The following PCDHA12 variants were observed in gnomAD, a reference collection of about 807,000 sequenced individuals.
The protein encoded by PCDHA12 is protocadherin alpha 12.
A neutral mutation model predicts 60.0 loss-of-function variants in PCDHA12; 44 were observed. The ratio of observed to expected loss-of-function variants is 0.73; its 90% CI spans 0.58 to 0.94. PCDHA12 has a LOEUF of 0.94. Among genes scored for constraint, PCDHA12 ranks in the 40% least tolerant of loss-of-function variants. PCDHA12 has a pLI of 0.00. For missense variants in PCDHA12, 1,276 were observed against 1,239.7 expected, an observed-to-expected ratio of 1.03 and a Z score of -0.44; for synonymous variants, 569 against 553.0, an observed-to-expected ratio of 1.03 and a Z score of -0.40.
chr5:140,961,366 C>A (rs1384222732), intron 1 of PCDHA12, among the ~76,000 whole-genome samples: 2 of 152,144 alleles, frequency 1.3e-5, no homozygotes, highest in Non-Finnish European at 2.9e-5. Context: ...CATTAGAATT[C>A]TCCTTCTAGT....
At chr5:140,995,267 C>T (rs552857413) in intron 3 of PCDHA12, among the ~76,000 whole-genome samples, 1 of 152,192 alleles carries the variant, frequency 6.6e-6, no homozygotes, top group Non-Finnish European at 1.5e-5. Context: ...GAATACAAGC[C>T]CTTTGATACC....
intron 3 of PCDHA12, among the ~76,000 whole-genome samples, chr5:140,994,821 T>C (rs2097651680): frequency 6.6e-6 from 1 of 152,052 alleles, no homozygotes. Flanking sequence ...AAAAACTGAA[T>C]TGTGTAGTCT....
intron 1 of PCDHA12, among the ~76,000 whole-genome samples, chr5:140,944,925 A>T (rs1457519692): frequency 6.6e-6 from 1 of 152,158 alleles, no homozygotes; most frequent in African/African-American, 2.4e-5. Flanking sequence ...ATATTGGTTT[A>T]TGCCTTCTTT....
At chr5:140,985,377 A>G (rs782189204) in intron 3 of PCDHA12, among the ~76,000 whole-genome samples, 10 of 152,188 alleles carry the variant, frequency 6.6e-5, no homozygotes, top group Non-Finnish European at 5.9e-5. Context: ...CTGGGTCTAT[A>G]TAATCCAGTC....
intron 3 of PCDHA12, among the ~76,000 whole-genome samples, chr5:140,988,459 G>A (rs1554250155): frequency 6.6e-6 from 1 of 152,152 alleles, no homozygotes; most frequent in Admixed American, 6.5e-5. Context: ...AGGAAGCAAG[G>A]GTGTGGGAAG....
At chr5:140,999,877 G>C (rs1194481133) in intron 3 of PCDHA12, among the ~76,000 whole-genome samples, 1 of 152,152 alleles carries the variant, frequency 6.6e-6, no homozygotes, top group Non-Finnish European at 1.5e-5. Flanking sequence ...CTGAAAATTA[G>C]CCCAGCTGTA....
At chr5:140,901,235 T>A (rs1554189665) in intron 1 of PCDHA12, among the ~76,000 whole-genome samples, 1 of 152,174 alleles carries the variant, frequency 6.6e-6, no homozygotes, top group African/African-American at 2.4e-5. Context: ...TATATCCATT[T>A]TTTTCCTTTG....
At chr5:140,893,083 T>C (rs2063812039) in intron 1 of PCDHA12, among the ~76,000 whole-genome samples, 1 of 152,266 alleles carries the variant, frequency 6.6e-6, no homozygotes, top group Non-Finnish European at 1.5e-5. Flanking sequence ...GATTTCATTC[T>C]TTTTTATGGC....
At chr5:140,906,753 T>G (rs2072907402) in intron 1 of PCDHA12, among the ~76,000 whole-genome samples, 1 of 152,224 alleles carries the variant, frequency 6.6e-6, no homozygotes, top group Non-Finnish European at 1.5e-5. Context: ...CAGGGCATGG[T>G]AATACTAAGA....
At chr5:140,895,647 C>A (rs954657912) in intron 1 of PCDHA12, among the ~76,000 whole-genome samples, 2 of 151,996 alleles carry the variant, frequency 1.3e-5, no homozygotes, top group African/African-American at 4.8e-5. Flanking sequence ...TTTTTAGCTC[C>A]CACTTATAAG....
At chr5:140,923,287 A>G (rs1554201330) in intron 1 of PCDHA12, among the ~76,000 whole-genome samples, 1 of 152,224 alleles carries the variant, frequency 6.6e-6, no homozygotes, top group Non-Finnish European at 1.5e-5. Context: ...AAAAATTAAA[A>G]ATTAGCTGGG....
chr5:140,909,070 C>T (rs2074299054), intron 1 of PCDHA12, among the ~76,000 whole-genome samples: 1 of 152,146 alleles, frequency 6.6e-6, no homozygotes, highest in Non-Finnish European at 1.5e-5. Flanking sequence ...CACCAATAAG[C>T]CCAGTGTGTT....
intron 1 of PCDHA12, chr5:140,927,139 C>T: frequency 6.2e-7 from 1 of 1,614,046 alleles, no homozygotes; most frequent in Non-Finnish European, 8.5e-7. Context: ...GCCGGCGGAC[C>T]GCGAACAGCT....
chr5:140,955,501 A>G (rs1479045859), intron 1 of PCDHA12, among the ~76,000 whole-genome samples: 5 of 152,114 alleles, frequency 3.3e-5, no homozygotes, highest in African/African-American at 1.2e-4. Context: ...CATGTGAAGA[A>G]AGACGTGTTT....
intron 1 of PCDHA12, among the ~76,000 whole-genome samples, chr5:140,970,553 C>T (rs1349644785): frequency 5.9e-5 from 9 of 152,122 alleles, no homozygotes; most frequent in South Asian, 2.1e-4. Flanking sequence ...GTTGTGTGTT[C>T]GTCTCCATAT....
chr5:140,984,878 C>G (rs2097124872), intron 3 of PCDHA12, among the ~76,000 whole-genome samples: 1 of 151,854 alleles, frequency 6.6e-6, no homozygotes, highest in African/African-American at 2.4e-5. Flanking sequence ...ATTGAGTTAC[C>G]ATGAGAACTA....
At chr5:140,882,717 C>T (rs1311295002) in intron 1 of PCDHA12, 1 of 1,614,102 alleles carries the variant, frequency 6.2e-7, no homozygotes, top group Non-Finnish European at 8.5e-7. Context: ...CCTCCGGAAA[C>T]TCGATTTCCA....
chr5:140,999,922 C>T (rs2097883458), intron 3 of PCDHA12, among the ~76,000 whole-genome samples: 1 of 152,154 alleles, frequency 6.6e-6, no homozygotes, highest in Non-Finnish European at 1.5e-5. Context: ...AATCTTCTTC[C>T]AGCTCAACTC....
At chr5:140,927,090 C>T (rs368092094) in intron 1 of PCDHA12, 34 of 1,612,532 alleles carry the variant, frequency 2.1e-5, no homozygotes, top group Non-Finnish European at 1.4e-5. Flanking sequence ...AGCTCTACTT[C>T]GGGGTGGATC....
Sources: allele counts gnomAD v4.1 joint callset (sites outside exome capture counted in the v4.1 genomes callset), GRCh38; gene constraint gnomAD v4.1.1; transcripts MANE v1.5; gene names NCBI Gene and HGNC (gene_info 2026-07-23, HGNC 2026-07-21).